Variants in NACC2 observed in about 807,000 individuals in gnomAD.
NACC2 encodes nucleus accumbens-associated protein 2.
A neutral mutation model predicts 25.1 loss-of-function variants in NACC2; 8 were observed. The observed-to-expected ratio is 0.32, with a 90% confidence interval of 0.19 to 0.57. The LOEUF is 0.57. NACC2 is among the 20% of genes least tolerant of loss of function. NACC2 has a pLI of 0.89. For synonymous variants in NACC2, 435 were observed against 294.7 expected (o/e 1.48, Z -4.88); for missense variants, 644 against 650.2 (o/e 0.99, Z 0.10).
chr9:136,032,113 T>C (rs1186291704), intron 2 of NACC2, among the ~76,000 whole-genome samples: 1 of 152,252 alleles, frequency 6.6e-6, no homozygotes, highest in African/African-American at 2.4e-5. Flanking sequence ...TCTCAGGCTC[T>C]GTCCAGGACT....
chr9:136,092,230 G>A (rs1242156449), intron 1 of NACC2, among the ~76,000 whole-genome samples: 1 of 152,202 alleles, frequency 6.6e-6, no homozygotes, highest in Non-Finnish European at 1.5e-5. Flanking sequence ...CTGGGGAGAG[G>A]GCACTTCGGG....
At chr9:136,023,963 AC>A (rs1564221244) in intron 2 of NACC2, among the ~76,000 whole-genome samples, 1 of 151,994 alleles carries the variant, frequency 6.6e-6, no homozygotes, top group Non-Finnish European at 1.5e-5. Flanking sequence ...AACCCCCCCC[AC>A]ACACACGTGC....
chr9:136,014,986 G>A (rs1840178746), intron 3 of NACC2, among the ~76,000 whole-genome samples: 2 of 11,314 alleles, frequency 1.8e-4, no homozygotes, highest in East Asian at 7.2e-3. Context: ...GTCATGTCCT[G>A]AAGGACACGA....
intron 1 of NACC2, among the ~76,000 whole-genome samples, chr9:136,064,733 T>C (rs1841060093): frequency 6.6e-6 from 1 of 152,198 alleles, no homozygotes; most frequent in African/African-American, 2.4e-5. Flanking sequence ...AAAATTCATA[T>C]GGAAACGCAA....
intron 1 of NACC2, among the ~76,000 whole-genome samples, chr9:136,091,930 T>C (rs2131194039): frequency 6.6e-6 from 1 of 152,038 alleles, no homozygotes; most frequent in Admixed American, 6.5e-5. Context: ...CAGCAGCCCC[T>C]GGCCTGGGTA....
chr9:136,023,768 G>C (rs1027499784), intron 2 of NACC2, among the ~76,000 whole-genome samples: 2 of 152,264 alleles, frequency 1.3e-5, no homozygotes, highest in African/African-American at 4.8e-5. Flanking sequence ...GGCACAGGTT[G>C]AATCAATCCC....
At chr9:136,048,522 G>A (rs2131160871) in intron 2 of NACC2, among the ~76,000 whole-genome samples, 1 of 152,378 alleles carries the variant, frequency 6.6e-6, no homozygotes, top group Non-Finnish European at 1.5e-5. Context: ...TGGCCTGTGA[G>A]CTGGCATTCT....
At chr9:136,026,337 C>T (rs1381261929) in intron 2 of NACC2, among the ~76,000 whole-genome samples, 1 of 74,382 alleles carries the variant, frequency 1.3e-5, no homozygotes, top group Admixed American at 1.6e-4. Context: ...GAGCAAAACT[C>T]CATCTCAAAA....
intron 3 of NACC2, among the ~76,000 whole-genome samples, chr9:136,015,653 T>C (rs1840188643): frequency 1.3e-5 from 2 of 152,210 alleles, no homozygotes; most frequent in South Asian, 4.1e-4. Flanking sequence ...GGGCCCAAGC[T>C]TGGGGCTTCC....
intron 2 of NACC2, among the ~76,000 whole-genome samples, chr9:136,042,859 GACACAGAGACAA>G (rs1840661852): frequency 1.0e-5 from 1 of 97,906 alleles, no homozygotes; most frequent in African/African-American, 3.8e-5. Context: ...CACACACAGA[GACACAGAGACAA>G]ACAGACACAC....
At chr9:136,047,958 G>A (rs1258224203) in intron 2 of NACC2, among the ~76,000 whole-genome samples, 3 of 152,232 alleles carry the variant, frequency 2.0e-5, no homozygotes, top group Non-Finnish European at 2.9e-5. Context: ...GGTCACATTG[G>A]AGCAGCAGGG....
Position 136,075,701 on chromosome 9 carries a change from G to A in NACC2, c.-60+19488C>T, listed in dbSNP as rs935948714. On this transcript the variant is annotated intron_variant, in intron 1 of 5. Coordinates refer to ENST00000277554, the MANE Select transcript of NACC2 (RefSeq NM_144653.5). ...TCCCTGTGCCCGGTCTTCCACACGC[G>A]GGGAGGACACCCCCGTGCAGACTGC... is the stretch of plus-strand genomic sequence containing the variant. Among the ~76,000 whole-genome samples the A allele has an allele frequency of 3.3e-5, 5 of 152,222 alleles. No homozygotes were observed. In the East Asian group the frequency reaches 5.8e-4, roughly 18 times the overall value.
intron 1 of NACC2, among the ~76,000 whole-genome samples, chr9:136,073,357 G>A (rs920969123): frequency 6.6e-6 from 1 of 152,118 alleles, no homozygotes; most frequent in African/African-American, 2.4e-5. Flanking sequence ...TTGAGCCTAG[G>A]AGGTGAAGGC....
In NACC2 at chr9:136,086,944, G is replaced by T. The variant is rs566636718; in HGVS notation, c.-60+8245C>A. On this transcript the variant is annotated intron_variant, in intron 1 of 5. Transcript: ENST00000277554. This position sits in a 1 kb window ranked among gnomAD's most constrained non-coding sequence, Gnocchi z 5.6. ...GGGGTTCGCATCTACCTGACCCTTT[G>T]AATGCGGCCTTATTTGGAAACAGGG... is the stretch of plus-strand genomic sequence containing the variant. Among the ~76,000 whole-genome samples, 299 of 152,326 alleles carry T rather than the reference G, an allele frequency of 2.0e-3. 1 individual carries two copies. Among genetic ancestry groups the T allele is most frequent in the Non-Finnish European group, 3.6e-3 (246 of 68,024 alleles).
rs62585076 is a variant in NACC2 at position 136,019,100 on chromosome 9, T to C, written c.887-2671A>G. 13,798 of 152,092 alleles carry C rather than the reference T, an allele frequency of 0.091. 817 individuals are homozygous for C. Among genetic ancestry groups the C allele is most frequent in the East Asian group, 0.21 (1,107 of 5,158 alleles). 9.4% of individuals were successfully genotyped at this position (152,092 alleles called of 1,614,324 possible). ...CTGGCTAAAAACACCCCGCCCCGAG[T>C]GGAAGCTCGTCCGCAAAGGTGCCTC... On this transcript the variant is annotated intron_variant, in intron 2 of 5. Transcript: ENST00000277554. This position sits in a 1 kb window ranked among gnomAD's most constrained non-coding sequence, Gnocchi z 5.2.
At chr9:136,026,682 C>T (rs551610830) in intron 2 of NACC2, among the ~76,000 whole-genome samples, 2 of 152,324 alleles carry the variant, frequency 1.3e-5, no homozygotes, top group Non-Finnish European at 2.9e-5. Context: ...TTACAACATA[C>T]ACAGAATTAA....
chr9:136,028,299 GA>G, intron 2 of NACC2, among the ~76,000 whole-genome samples: 1 of 152,118 alleles, frequency 6.6e-6, no homozygotes, highest in South Asian at 2.1e-4. Flanking sequence ...CTTCTGCTGG[GA>G]GGGCCAGAGA....
At chr9:136,051,884 G>GGAGGAGGAGGAA in intron 1 of NACC2, among the ~76,000 whole-genome samples, 1 of 115,726 alleles carries the variant, frequency 8.6e-6, no homozygotes, top group South Asian at 2.7e-4. Flanking sequence ...GCAAGGAGGA[G>GGAGGAGGAGGAA]GAGGAGGAGG....
At chr9:136,038,085 T>C (rs1007247342) in intron 2 of NACC2, among the ~76,000 whole-genome samples, 2 of 152,200 alleles carry the variant, frequency 1.3e-5, no homozygotes, top group African/African-American at 4.8e-5. Context: ...GGCCACATAC[T>C]GTATACAACA....
Sources: gnomAD v4.1 joint callset for allele counts (sites outside exome capture counted in the v4.1 genomes callset) on GRCh38, gnomAD v4.1.1 for gene constraint, Gnocchi (gnomAD v3.1) non-coding constraint, MANE v1.5 for transcripts, NCBI Gene and HGNC (gene_info 2026-07-23, HGNC 2026-07-21) for gene names.